The following ALAS1 variants were observed in gnomAD, a reference collection of about 807,000 sequenced individuals.
The protein encoded by ALAS1 is 5'-aminolevulinate synthase 1.
Under a neutral mutation model 59.6 loss-of-function variants are expected in ALAS1, and 29 were observed. The observed-to-expected ratio is 0.49, with a 90% CI of 0.36 to 0.66. The LOEUF (loss-of-function observed/expected upper bound fraction) is 0.66. Ranked by LOEUF, ALAS1 falls within the 30% of genes least tolerant of loss-of-function variation. The pLI is 0.00. For synonymous variants in ALAS1, 299 were observed against 296.6 expected, an observed-to-expected ratio of 1.01 and a Z score of -0.08; for missense variants, 690 against 807.5, an observed-to-expected ratio of 0.85 and a Z score of 1.76.
intron 11 of ALAS1, 161 bp downstream of exon 11, chr3:52,212,581 G>C: frequency 2.3e-6 from 2 of 875,202 alleles, no homozygotes; most frequent in Non-Finnish European, 3.6e-6. Context: ...GCCCAGGCTG[G>C]AGTACAATGG....
chr3:52,199,133 G>A (rs1037917462), intron 2 of ALAS1, 77 bp from the exon 3 acceptor site: 77 of 1,420,232 alleles, frequency 5.4e-5, no homozygotes, highest in Non-Finnish European at 6.5e-5. Context: ...TATAAACTGC[G>A]GTTGACACCT....
chr3:52,205,900 A>G lies in ALAS1; in HGVS notation c.862A>G (p.Lys288Glu), dbSNP rs1699281662. The G allele has an allele frequency of 1.9e-6, 3 of 1,614,074 alleles. No homozygotes were observed. The highest frequency in any genetic ancestry group is 2.2e-5 in the South Asian group (2 of 91,090). Reference protein sequence around the residue: ...GGTRNISGTSKFHVDLERELA... With the variant: ...GGTRNISGTSEFHVDLERELA... Reference sequence around the variant, plus strand: ...TACTAGAAATATTTCTGGAACTAGTAAATTCCATGTGGACTTAGAGCGGGA... The same window carrying G: ...TACTAGAAATATTTCTGGAACTAGTGAATTCCATGTGGACTTAGAGCGGGA... Residue 288 changes from lysine (K) to glutamate (E), a missense_variant, in exon 7 of 12, where the codon AAA becomes GAA. Coordinates refer to ENST00000484952, the MANE Select transcript of ALAS1 (RefSeq NM_000688.6).
chr3:52,204,152 GAGA>G, intron 5 of ALAS1, 140 bp downstream of exon 5: 1 of 872,956 alleles, frequency 1.1e-6, no homozygotes, highest in Non-Finnish European at 1.7e-6. Flanking sequence ...GCTGAAGCGG[GAGA>G]AGATCACTTG....
chr3:52,198,748 C>A lies in ALAS1; in HGVS notation c.-133C>A. On this transcript the variant is annotated 5_prime_UTR_variant, in exon 2 of 12. Transcript: ENST00000484952. Reference sequence around the variant, plus strand: ...TTCAGGGACTCGGGACCCTGCTGGACCCCTTCCTCGGGTTTAGGGGATGTG... The same window carrying A: ...TTCAGGGACTCGGGACCCTGCTGGAACCCTTCCTCGGGTTTAGGGGATGTG... 3.3e-6 allele frequency: 5 copies of A among 1,495,932 alleles called. No individual in the cohort carries two copies. Among genetic ancestry groups the A allele is most frequent in the Non-Finnish European group, 1.8e-6 (2 of 1,110,884 alleles). The allele number at this position is 1,495,932 out of a possible 1,614,324, so 92.7% of individuals were successfully genotyped here.
chr3:52,212,649 A>G (rs1332473292), intron 11 of ALAS1: 3 of 512,304 alleles, frequency 5.9e-6, no homozygotes, highest in Admixed American at 3.2e-5. Context: ...CTCCTGCCTC[A>G]GCTTCCTGAG....
In ALAS1 at chr3:52,212,155, C is replaced by G. The variant is rs371125397; in HGVS notation, c.1600-103C>G. Reference sequence around the variant, plus strand: ...CCAAGCTTGCATGTGTTGCTACAGTCTGGTCTTGAGCCTGAGCGTTGTGGG... The same window carrying G: ...CCAAGCTTGCATGTGTTGCTACAGTGTGGTCTTGAGCCTGAGCGTTGTGGG... On this transcript the variant is annotated intron_variant, in intron 10 of 11. Coordinates refer to ENST00000484952, the MANE Select transcript of ALAS1 (RefSeq NM_000688.6). 1.2e-5 allele frequency: 12 copies of G among 1,019,978 alleles called. No homozygotes were observed. In the East Asian group the frequency reaches 2.4e-4, roughly 20 times the overall value. The allele number at this position is 1,019,978 out of a possible 1,614,324, so 63.2% of individuals were successfully genotyped here. A position where few individuals can be genotyped will look rare whatever the true frequency, so the allele number is the denominator to read the frequency against.
intron 3 of ALAS1, 69 bp from the exon 4 acceptor site, chr3:52,202,438 A>T: frequency 8.3e-7 from 1 of 1,209,554 alleles, no homozygotes; most frequent in Non-Finnish European, 1.2e-6. Context: ...TAAAAGAAAG[A>T]AATAAGTGGT....
At chr3:52,205,289 A>G (rs1699271443) in intron 6 of ALAS1, among the ~76,000 whole-genome samples, 1 of 152,198 alleles carries the variant, frequency 6.6e-6, no homozygotes, top group Non-Finnish European at 1.5e-5. Context: ...AGCTACTCCA[A>G]AAGACATGTT....
At chr3:52,203,805 T>C in intron 4 of ALAS1, 58 bp from the exon 5 acceptor site, 1 of 1,519,260 alleles carries the variant, frequency 6.6e-7, no homozygotes. Flanking sequence ...GTTTGGAAGA[T>C]ATTGTGAACT....
intron 3 of ALAS1, 126 bp from the exon 4 acceptor site, chr3:52,202,381 G>A (rs1279104527): frequency 2.3e-5 from 18 of 768,060 alleles, no homozygotes; most frequent in Non-Finnish European, 3.0e-5. Context: ...AAACACTTGT[G>A]TCTGGATGGT....
intron 5 of ALAS1, among the ~76,000 whole-genome samples, chr3:52,204,387 A>G (rs1699251936): frequency 6.6e-6 from 1 of 152,230 alleles, no homozygotes; most frequent in Admixed American, 6.5e-5. Context: ...AGTTTCTAGG[A>G]AAAACAAAAA....
intron 11 of ALAS1, among the ~76,000 whole-genome samples, chr3:52,213,356 C>CA (rs1204600605): frequency 1.3e-5 from 2 of 152,174 alleles, no homozygotes; most frequent in Non-Finnish European, 2.9e-5. Flanking sequence ...TTTAAACTGT[C>CA]ACGTGGCAGT....
chr3:52,205,752 C>T, intron 6 of ALAS1, 87 bp from the exon 7 acceptor site: 1 of 1,315,750 alleles, frequency 7.6e-7, no homozygotes, highest in Non-Finnish European at 1.0e-6. Context: ...ATGTTTCAGT[C>T]TCCTGGATCC....
chr3:52,214,020 A>G lies in ALAS1; in HGVS notation c.1763A>G (p.Glu588Gly). The G allele has an allele frequency of 6.3e-7, 1 of 1,597,564 alleles. No homozygotes were observed. The highest frequency in any genetic ancestry group is 8.6e-7 in the Non-Finnish European group (1 of 1,166,196). ...HTPQMMNYFL[E>G]NLLVTWKQVG... Reference sequence around the variant, plus strand: ...ATATTTAAAAACTGTTTCTCCTCAGAGAATCTGCTAGTCACATGGAAGCAA... The same window carrying G: ...ATATTTAAAAACTGTTTCTCCTCAGGGAATCTGCTAGTCACATGGAAGCAA... The change falls in exon 12 of 12, where the codon GAG (glutamate) becomes GGG (glycine). Residue 588 changes from glutamate (E) to glycine (G), a missense_variant and splice_region_variant. Glu to Gly is a moderately conservative substitution (Grantham distance 98). Coordinates refer to ENST00000484952, the MANE Select transcript of ALAS1 (RefSeq NM_000688.6).
intron 11 of ALAS1, among the ~76,000 whole-genome samples, chr3:52,213,599 C>A (rs1189222276): frequency 1.3e-5 from 2 of 152,170 alleles, no homozygotes; most frequent in Non-Finnish European, 2.9e-5. Flanking sequence ...AGAACATTTT[C>A]ATCACCTCAG....
chr3:52,207,614 T>G (rs188009730), intron 8 of ALAS1, among the ~76,000 whole-genome samples: 52 of 152,268 alleles, frequency 3.4e-4, no homozygotes, highest in African/African-American at 1.3e-3. Flanking sequence ...AATGGTAGTT[T>G]TTGATCTCAC....
At chr3:52,199,916 G>C (rs1461679619) in intron 3 of ALAS1, among the ~76,000 whole-genome samples, 1 of 152,138 alleles carries the variant, frequency 6.6e-6, no homozygotes, top group Non-Finnish European at 1.5e-5. Flanking sequence ...CCACCTCCCA[G>C]GTTCAAGTGA....
rs1699467148 is a variant in ALAS1, at chr3:52,214,102, A to G, written c.1845A>G (p.Pro615=). The change falls in exon 12 of 12, where the codon CCA becomes CCG. Residue 615 remains proline, a synonymous_variant. Transcript: ENST00000484952. ...SSAECNFCRR[P]LHFEVMSERE... ...CTGAGTGCAACTTCTGCAGGAGGCC[A>G]CTGCATTTTGAAGTGATGAGTGAAA... 3 of 1,613,992 alleles carry G rather than the reference A, an allele frequency of 1.9e-6. No individual in the cohort carries two copies. Among genetic ancestry groups the G allele is most frequent in the African/African-American group, 2.7e-5 (2 of 75,062 alleles).
chr3:52,213,989 C>T lies in ALAS1; in HGVS notation c.1763-31C>T, dbSNP rs746899289. 7.6e-6 allele frequency: 12 copies of T among 1,581,276 alleles called. No individual in the cohort carries two copies. The South Asian group carries it at 1.2e-4, about 16-fold the overall frequency. ...TTCATTTCTCTTGTGTATATTACTC[C>T]CTTTAATATTTAAAAACTGTTTCTC... On this transcript the variant is annotated intron_variant, in intron 11 of 11. Transcript: ENST00000484952.
Sources: gnomAD v4.1 joint callset for allele counts (sites outside exome capture counted in the v4.1 genomes callset) on GRCh38, gnomAD v4.1.1 for gene constraint, MANE v1.5 for transcripts, NCBI Gene and HGNC (gene_info 2026-07-23, HGNC 2026-07-21) for gene names.